Variants in ASPM observed in about 807,000 individuals in gnomAD.
The protein encoded by ASPM is assembly factor for spindle microtubules.
A neutral mutation model predicts 366.4 loss-of-function variants in ASPM; 256 were observed. The observed-to-expected ratio is 0.70, with a 90% confidence interval of 0.63 to 0.77. ASPM has a LOEUF of 0.77. ASPM is among the 30% of genes least tolerant of loss of function. The probability of loss-of-function intolerance (pLI) is 0.00; values close to 1 mark genes in which losing one functional copy is unlikely to be tolerated. For missense variants in ASPM, 4,146 were observed against 4,090.4 expected (o/e 1.01, Z -0.37); for synonymous variants, 1,414 against 1,342.9 (o/e 1.05, Z -1.16).
At position 197,122,394 on chromosome 1, in the gene ASPM, C is replaced by G. The variant is rs757999177; in HGVS notation, c.3592G>C (p.Asp1198His). The change falls in exon 14 of 28, where the codon GAT becomes CAT. Residue 1198 changes from aspartate to histidine, a missense_variant. Coordinates refer to ENST00000367409, the MANE Select transcript of ASPM (RefSeq NM_018136.5). The part of the protein sequence containing the change: ...SSLDMSLKAF[D>H]HENTSELYKE... ...GTAACCAAAAGGGACTAACCATGAT[C>G]AAATGCTTTAAGAGACATATCCAGA... is the stretch of plus-strand genomic sequence containing the variant. 1.7e-5 allele frequency: 27 copies of G among 1,613,622 alleles called. No homozygotes were observed. The highest frequency in any genetic ancestry group is 2.3e-5 in the Non-Finnish European group (27 of 1,179,702).
Position 197,116,299 on chromosome 1 carries a change from G to C in ASPM, c.4065+1490C>G, listed in dbSNP as rs187300423. ...CTCTGGATTAGGCTTTGGCTTATGG[G>C]AATGTTGTGGCTGGTTTCATCTTCT... On this transcript the variant is annotated intron_variant, in intron 17 of 27. Transcript: ENST00000367409. Among the ~76,000 whole-genome samples the C allele has an allele frequency of 3.6e-3, 549 of 152,236 alleles. 2 individuals carry two copies. The highest frequency in any genetic ancestry group is 0.013 in the African/African-American group (534 of 41,538).
chr1:197,114,382 A>T (rs115991776), intron 17 of ASPM, among the ~76,000 whole-genome samples: 2,041 of 152,226 alleles, frequency 0.013, 47 homozygotes, highest in African/African-American at 0.046. Flanking sequence ...GCAATTTTTT[A>T]AAAATAAGAC....
At position 197,143,290 on chromosome 1, in the gene ASPM, A is replaced by G; in HGVS notation, c.962T>C (p.Phe321Ser). Residue 321 changes from phenylalanine (F) to serine (S), a missense_variant, in exon 3 of 28, where the codon TTT becomes TCT. Phe to Ser is a radical substitution (Grantham distance 155). Transcript: ENST00000367409. ...ATTAGCTCCATGACTATTATTTACAAAAGAATCTGGACTTAGAAAATGTAT... is the reference window on the plus strand; with the variant it reads ...ATTAGCTCCATGACTATTATTTACAGAAGAATCTGGACTTAGAAAATGTAT... ...SQIHFLSPDSFVNNSHGANNE... is the reference protein window; with the variant it reads ...SQIHFLSPDSSVNNSHGANNE... 1 of 1,613,758 alleles carries G rather than the reference A, an allele frequency of 6.2e-7. No homozygotes were observed. The highest frequency in any genetic ancestry group is 8.5e-7 in the Non-Finnish European group (1 of 1,179,694).
intron 25 of ASPM, 96 bp downstream of exon 25, chr1:197,089,834 A>T: frequency 8.6e-7 from 1 of 1,167,568 alleles, no homozygotes; most frequent in Non-Finnish European, 1.3e-6. Flanking sequence ...AATTTAACTT[A>T]GAGATTTAAG....
rs752109968 is a variant in ASPM, at chr1:197,143,642, C to G, written c.610G>C (p.Gly204Arg). The change falls in exon 3 of 28, where the codon GGT becomes CGT. Residue 204 changes from glycine to arginine, a missense_variant. Transcript: ENST00000367409. ...ACENLAMNEGGPPTENNSLIL... is the reference protein window; with the variant it reads ...ACENLAMNEGRPPTENNSLIL... ...AAAGAATTGTTTTCTGTTGGGGGACCGCCTTCATTCATAGCCAAGTTTTCA... is the reference window on the plus strand; with the variant it reads ...AAAGAATTGTTTTCTGTTGGGGGACGGCCTTCATTCATAGCCAAGTTTTCA... The G allele has an allele frequency of 6.2e-7, 1 of 1,613,128 alleles. No individual in the cohort carries two copies. The highest frequency in any genetic ancestry group is 8.5e-7 in the Non-Finnish European group (1 of 1,179,854).
In ASPM at chr1:197,146,124, C is replaced by T. The variant is rs1658768786; in HGVS notation, c.297+17G>A. ...AAGCAGAACACCGGCCTGGAGCACG[C>T]TCCTCCTGAGACCTACCTGCAACAC... On this transcript the variant is annotated intron_variant, in intron 1 of 27. Coordinates refer to ENST00000367409, the MANE Select transcript of ASPM (RefSeq NM_018136.5). 6.2e-7 allele frequency: 1 copy of T among 1,613,952 alleles called. No homozygotes were observed. Among genetic ancestry groups the T allele is most frequent in the Non-Finnish European group, 8.5e-7 (1 of 1,179,942 alleles).
intron 22 of ASPM, among the ~76,000 whole-genome samples, chr1:197,091,352 A>G (rs1656781807): frequency 6.6e-6 from 1 of 152,046 alleles, no homozygotes; most frequent in Non-Finnish European, 1.5e-5. Context: ...TAAATACTTT[A>G]TATGTAAATG....
chr1:197,137,888 G>A lies in ASPM; in HGVS notation c.2026+1879C>T, dbSNP rs562551595. 3.4e-4 allele frequency among the ~76,000 whole-genome samples: 51 copies of A among 152,170 alleles called. 1 individual carries two copies. Among genetic ancestry groups the A allele is most frequent in the Non-Finnish European group, 2.1e-4 (14 of 67,998 alleles). ...TCTCATTGTACTCTGATTTTCTCTA[G>A]CTTTTGAATTCTTTATTCTAATATC... On this transcript the variant is annotated intron_variant, in intron 4 of 27. Transcript: ENST00000367409.
chr1:197,124,416 T>C, intron 12 of ASPM, 85 bp from the exon 13 acceptor site: 2 of 988,108 alleles, frequency 2.0e-6, no homozygotes, highest in Non-Finnish European at 3.0e-6. Flanking sequence ...AACTGTCTTC[T>C]ATTTAGAGAA....
intron 18 of ASPM, 98 bp from the exon 19 acceptor site, chr1:197,096,262 G>T: frequency 9.2e-7 from 1 of 1,089,840 alleles, no homozygotes; most frequent in Non-Finnish European, 1.4e-6. Context: ...TAAGGTTAGT[G>T]CAGACAAAAA....
At position 197,125,070 on chromosome 1, in the gene ASPM, C is replaced by T; in HGVS notation, c.3058G>A (p.Gly1020Arg). The T allele has an allele frequency of 6.2e-7, 1 of 1,613,916 alleles. No individual in the cohort carries two copies. Among genetic ancestry groups the T allele is most frequent in the Non-Finnish European group, 8.5e-7 (1 of 1,179,932 alleles). ...CCATGCTCATCACTTAATTCAATTC[C>T]TCGTGATTTAAGAACTTGAAGAACA... ...DIVLQVLKSR[G>R]IELSDEHGNT... The change falls in exon 11 of 28, where the codon GGA (glycine) becomes AGA (arginine). Residue 1020 changes from glycine to arginine, a missense_variant. By Grantham distance (125) the Gly-to-Arg change is moderately radical. Around this residue, in one of 3 missense-constraint regions of ASPM, gnomAD observed 3,624 missense variants for 3,591.7 expected, o/e 1.01. Coordinates refer to ENST00000367409, the MANE Select transcript of ASPM (RefSeq NM_018136.5).
Position 197,089,992 on chromosome 1 carries a change from G to T in ASPM, c.9922C>A (p.Arg3308Ser). 1.9e-6 allele frequency: 3 copies of T among 1,613,082 alleles called. No individual in the cohort carries two copies. The highest frequency in any genetic ancestry group is 2.5e-6 in the Non-Finnish European group (3 of 1,179,474). ...ATGACTTCCATACAAGGAATACTGC[G>T]ATTACAACTTCGGATCAAAACAAAT... ...KIFVLIRSCN[R>S]SIPCMEVIRY... Residue 3308 changes from arginine (R) to serine (S), a missense_variant, in exon 25 of 28, where the codon CGC (arginine) becomes AGC (serine). Physicochemically the swap from Arg to Ser is moderately radical, Grantham distance 110. Transcript: ENST00000367409.
Position 197,084,420 on chromosome 1 carries a change from CT to C in ASPM, c.10337del (p.Lys3446SerfsTer6), listed in dbSNP as rs1553325275. 3.1e-6 allele frequency: 5 copies of C among 1,590,734 alleles called. No homozygotes were observed. Among genetic ancestry groups the C allele is most frequent in the Non-Finnish European group, 4.3e-6 (5 of 1,164,826 alleles). The part of the protein sequence containing the change: ...PVRTRIVSRL[K>X]PDWVLRRDNM... ...TATCTCTTCTCAAAACCCAATCTGG[CT>C]TAAGTCTGTTAAAAAAAAAAAAAAA... On this transcript the variant is annotated frameshift_variant, in exon 28 of 28. Coordinates refer to ENST00000367409, the MANE Select transcript of ASPM (RefSeq NM_018136.5). LOFTEE classifies it high-confidence loss of function.
At chr1:197,133,626 G>A (rs985260662) in intron 5 of ASPM, 31 bp from the exon 6 acceptor site, 2 of 1,602,738 alleles carry the variant, frequency 1.2e-6, no homozygotes, top group African/African-American at 1.3e-5. Flanking sequence ...GAATGTTTCT[G>A]GTTAAACAAT....
intron 17 of ASPM, among the ~76,000 whole-genome samples, chr1:197,106,767 T>C (rs889279671): frequency 6.6e-6 from 1 of 152,078 alleles, no homozygotes; most frequent in African/African-American, 2.4e-5. Context: ...CAAAAATACA[T>C]TAAGTTGGCA....
intron 7 of ASPM, among the ~76,000 whole-genome samples, chr1:197,131,673 C>G (rs1658258759): frequency 6.6e-6 from 1 of 152,008 alleles, no homozygotes; most frequent in South Asian, 2.1e-4. Context: ...ATTCTCCTGC[C>G]TCAGCCTCCC....
At chr1:197,089,814 C>T (rs577311794) in intron 25 of ASPM, 116 bp downstream of exon 25, 3 of 987,166 alleles carry the variant, frequency 3.0e-6, no homozygotes, top group African/African-American at 3.3e-5. Flanking sequence ...AAGACTCTTG[C>T]ACATAAATGA....
chr1:197,090,112 C>G (rs369653271), intron 24 of ASPM, 28 bp from the exon 25 acceptor site: 2 of 1,612,608 alleles, frequency 1.2e-6, no homozygotes, highest in Non-Finnish European at 8.5e-7. Context: ...CACACACACA[C>G]AGGTAAATTT....
Position 197,128,541 on chromosome 1 carries a change from T to G in ASPM, c.2885A>C (p.Asp962Ala). Residue 962 changes from aspartate (D) to alanine (A), a missense_variant, in exon 10 of 28, where the codon GAT becomes GCT. Around this residue, in one of 3 missense-constraint regions of ASPM, gnomAD observed 3,624 missense variants for 3,591.7 expected, o/e 1.01. Transcript: ENST00000367409. ...NHVQTPFDEF[D>A]FAVTNLAVDL... ...TACGGCAAGATTTGTAACGGCAAAATCAAATTCATCAAATGGTGTCTGAAC... is the reference window on the plus strand; with the variant it reads ...TACGGCAAGATTTGTAACGGCAAAAGCAAATTCATCAAATGGTGTCTGAAC... 6.2e-7 allele frequency: 1 copy of G among 1,613,874 alleles called. No homozygotes were observed. Among genetic ancestry groups the G allele is most frequent in the Non-Finnish European group, 8.5e-7 (1 of 1,179,822 alleles).
Sources: allele counts gnomAD v4.1 joint callset (sites outside exome capture counted in the v4.1 genomes callset), GRCh38; gene constraint gnomAD v4.1.1; regional missense constraint gnomAD v4.1.1; transcripts MANE v1.5; gene names NCBI Gene and HGNC (gene_info 2026-07-23, HGNC 2026-07-21).